Variants in RALYL observed in about 807,000 individuals in gnomAD.
RALYL encodes the protein RNA-binding Raly-like protein.
In RALYL, 29 loss-of-function variants were observed where a neutral mutation model predicts 35.1. The observed-to-expected ratio is 0.83, with a 90% CI of 0.61 to 1.13. RALYL has a LOEUF of 1.13. Ranked by LOEUF, RALYL falls within the 50% of genes most tolerant of loss-of-function variation. The pLI is 0.00. For synonymous variants in RALYL, 120 were observed against 127.6 expected (o/e 0.94, Z 0.40); for missense variants, 359 against 360.4 (o/e 1.00, Z 0.03).
At position 84,235,366 on chromosome 8, in the gene RALYL, C is replaced by T. The variant is rs188141040; in HGVS notation, c.-24+50942C>T. 1.5e-3 allele frequency among the ~76,000 whole-genome samples: 226 copies of T among 152,310 alleles called. 1 individual carries two copies. Among genetic ancestry groups the T allele is most frequent in the African/African-American group, 5.2e-3 (216 of 41,572 alleles). On this transcript the variant is annotated intron_variant, in intron 1 of 8. Coordinates refer to ENST00000521268, the MANE Select transcript of RALYL (RefSeq NM_173848.7). ...TAGATATTCATTATCAGCTTCCCCT[C>T]TTCCACAATAAGATTTGAAATATGC...
Position 84,588,525 on chromosome 8 carries a change from G to A in RALYL, c.256+58948G>A, listed in dbSNP as rs568474118. Among the ~76,000 whole-genome samples the A allele has an allele frequency of 2.6e-5, 4 of 152,300 alleles. 1 individual carries two copies. The South Asian group carries it at 8.3e-4, about 32-fold the overall frequency. On this transcript the variant is annotated intron_variant, in intron 2 of 8. Coordinates refer to ENST00000521268, the MANE Select transcript of RALYL (RefSeq NM_173848.7). ...TGTTCTCTGAAGACATCACAAATGT[G>A]ACTCACAAAAAAGCCAGCGTTTCCA...
At chr8:84,905,865 C>G (rs1039868380) in intron 8 of RALYL, among the ~76,000 whole-genome samples, 1 of 151,836 alleles carries the variant, frequency 6.6e-6, no homozygotes, top group Non-Finnish European at 1.5e-5. Context: ...GATAGTAATA[C>G]TCCTGTTTCC....
chr8:84,315,845 A>T (rs1843663618), intron 1 of RALYL, among the ~76,000 whole-genome samples: 2 of 152,018 alleles, frequency 1.3e-5, no homozygotes, highest in African/African-American at 4.8e-5. Flanking sequence ...TTCTGAATCA[A>T]GGACACAAAT....
At chr8:84,589,516 T>C (rs1205408703) in intron 2 of RALYL, among the ~76,000 whole-genome samples, 2 of 152,244 alleles carry the variant, frequency 1.3e-5, no homozygotes, top group Non-Finnish European at 2.9e-5. Context: ...ATATGTATAA[T>C]TTATATGAAA....
chr8:84,543,250 C>T (rs2060131903), intron 2 of RALYL, among the ~76,000 whole-genome samples: 1 of 151,628 alleles, frequency 6.6e-6, no homozygotes, highest in South Asian at 2.1e-4. Flanking sequence ...ATAAAATTCA[C>T]TCCTGTCTTT....
At chr8:84,566,685 CA>C (rs1419417209) in intron 2 of RALYL, among the ~76,000 whole-genome samples, 1 of 151,508 alleles carries the variant, frequency 6.6e-6, no homozygotes, top group East Asian at 1.9e-4. Context: ...GGAATAGAAT[CA>C]GACACTAACC....
chr8:84,839,239 C>T (rs551668361), intron 4 of RALYL, among the ~76,000 whole-genome samples: 17 of 152,310 alleles, frequency 1.1e-4, no homozygotes, highest in South Asian at 4.1e-4. Context: ...GGGTGACAGA[C>T]GGCACCTGGA....
intron 1 of RALYL, among the ~76,000 whole-genome samples, chr8:84,382,228 AT>A (rs1204429792): frequency 1.2e-4 from 17 of 144,716 alleles, no homozygotes; most frequent in African/African-American, 3.6e-4. Flanking sequence ...CAGCATTAGA[AT>A]TAAAAAAAAA....
intron 1 of RALYL, among the ~76,000 whole-genome samples, chr8:84,320,316 TC>T (rs1563728352): frequency 6.6e-6 from 1 of 152,074 alleles, no homozygotes; most frequent in East Asian, 1.9e-4. Context: ...ATCTTCCTAT[TC>T]CCCTTCTACC....
At chr8:84,339,219 G>C (rs1848344624) in intron 1 of RALYL, among the ~76,000 whole-genome samples, 1 of 151,862 alleles carries the variant, frequency 6.6e-6, no homozygotes, top group Non-Finnish European at 1.5e-5. Flanking sequence ...ACTAGAACAG[G>C]GGTCCACAAT....
intron 1 of RALYL, among the ~76,000 whole-genome samples, chr8:84,306,288 A>G (rs1189562675): frequency 6.6e-6 from 1 of 152,158 alleles, no homozygotes; most frequent in Non-Finnish European, 1.5e-5. Context: ...TTTTGCTACA[A>G]TTAGTTTTTT....
intron 1 of RALYL, among the ~76,000 whole-genome samples, chr8:84,346,969 G>A (rs901815730): frequency 6.6e-6 from 1 of 152,072 alleles, no homozygotes; most frequent in Non-Finnish European, 1.5e-5. Context: ...GAAGGCTGAG[G>A]CAGGTGCATC....
chr8:84,373,109 T>C (rs1438585587), intron 1 of RALYL, among the ~76,000 whole-genome samples: 2 of 151,478 alleles, frequency 1.3e-5, no homozygotes, highest in Non-Finnish European at 2.9e-5. Context: ...TTCTTATGAA[T>C]TTAAGTTTCT....
chr8:84,793,972 G>C (rs966463403), intron 3 of RALYL, among the ~76,000 whole-genome samples: 3 of 152,188 alleles, frequency 2.0e-5, no homozygotes, highest in Non-Finnish European at 4.4e-5. Flanking sequence ...CATTAGCTAT[G>C]ACTTGGTCTG....
intron 1 of RALYL, among the ~76,000 whole-genome samples, chr8:84,322,808 C>T (rs1845106082): frequency 6.6e-6 from 1 of 152,086 alleles, no homozygotes; most frequent in Non-Finnish European, 1.5e-5. Flanking sequence ...ATTCTTGGCT[C>T]TCATATTCCT....
At chr8:84,829,941 T>A (rs527642919) in intron 4 of RALYL, among the ~76,000 whole-genome samples, 1 of 141,772 alleles carries the variant, frequency 7.1e-6, no homozygotes, top group South Asian at 2.4e-4. Flanking sequence ...GCACAACTCA[T>A]GCCTGAAGGA....
intron 6 of RALYL, among the ~76,000 whole-genome samples, chr8:84,871,737 C>G (rs1438769419): frequency 6.6e-6 from 1 of 152,068 alleles, no homozygotes; most frequent in Admixed American, 6.6e-5. Flanking sequence ...ATTTTGCAAA[C>G]TACTTTGCAT....
At chr8:84,611,642 G>A (rs115693019) in intron 2 of RALYL, among the ~76,000 whole-genome samples, 62 of 152,246 alleles carry the variant, frequency 4.1e-4, no homozygotes, top group African/African-American at 1.4e-3. Flanking sequence ...TAAGTTAAAT[G>A]AGTGACAAGG....
At chr8:84,839,751 G>A (rs1832804825) in intron 4 of RALYL, among the ~76,000 whole-genome samples, 1 of 152,210 alleles carries the variant, frequency 6.6e-6, no homozygotes, top group South Asian at 2.1e-4. Flanking sequence ...ACACGGCCAG[G>A]TACTCCTCTG....
Sources: gnomAD v4.1 joint callset for allele counts (sites outside exome capture counted in the v4.1 genomes callset) on GRCh38, gnomAD v4.1.1 for gene constraint, MANE v1.5 for transcripts, NCBI Gene and HGNC (gene_info 2026-07-23, HGNC 2026-07-21) for gene names.